The following DLGAP2 variants were observed in gnomAD, a reference collection of about 807,000 sequenced individuals.
The protein encoded by DLGAP2 is DLG associated protein 2.
Under a neutral mutation model 100.3 loss-of-function variants are expected in DLGAP2, and 26 were observed. The observed-to-expected ratio is 0.26, with a 90% CI of 0.19 to 0.36. The LOEUF (loss-of-function observed/expected upper bound fraction) is 0.36. Among genes scored for constraint, DLGAP2 ranks in the 10% least tolerant of loss-of-function variants. The probability of loss-of-function intolerance (pLI) is 1.00; values close to 1 mark genes in which losing one functional copy is unlikely to be tolerated. For synonymous variants in DLGAP2, 886 were observed against 630.1 expected (o/e 1.41, Z -6.08); for missense variants, 1,858 against 1,453.2 (o/e 1.28, Z -4.53).
intron 4 of DLGAP2, among the ~76,000 whole-genome samples, chr8:1,512,316 A>G (rs1800194424): frequency 6.6e-6 from 1 of 152,226 alleles, no homozygotes; most frequent in Non-Finnish European, 1.5e-5. Context: ...TACCTTGACA[A>G]CATGATCAAA....
At chr8:1,480,171 TC>T (rs994608252) in intron 3 of DLGAP2, among the ~76,000 whole-genome samples, 6 of 151,690 alleles carry the variant, frequency 4.0e-5, no homozygotes, top group South Asian at 4.2e-4. Flanking sequence ...GTACCGAACA[TC>T]CCCCCTCCGC....
At chr8:1,289,749 G>A (rs553414738) in intron 3 of DLGAP2, among the ~76,000 whole-genome samples, 6 of 152,278 alleles carry the variant, frequency 3.9e-5, no homozygotes, top group African/African-American at 1.2e-4. Flanking sequence ...GGAGAGCCCG[G>A]CCTCCCCCGC....
chr8:1,649,540 A>G lies in DLGAP2; in HGVS notation c.1810+16494A>G, dbSNP rs1184520278. On this transcript the variant is annotated intron_variant, in intron 8 of 14. Transcript: ENST00000637795. ...AAAAATGCAGAGTGCTAGAAATTTAACTGGCAAGTTTGGTCTATGGTTTTA... is the reference window on the plus strand; with the variant it reads ...AAAAATGCAGAGTGCTAGAAATTTAGCTGGCAAGTTTGGTCTATGGTTTTA... Among the ~76,000 whole-genome samples the G allele has an allele frequency of 2.6e-5, 4 of 152,206 alleles. No homozygotes were observed. The East Asian group carries it at 7.7e-4, about 29-fold the overall frequency.
intron 1 of DLGAP2, among the ~76,000 whole-genome samples, chr8:876,733 T>G (rs1275773838): frequency 6.6e-6 from 1 of 152,182 alleles, no homozygotes; most frequent in Non-Finnish European, 1.5e-5. Context: ...TTTTGCTGCT[T>G]TCTCTTACCT....
chr8:1,549,868 G>A (rs1213105763), intron 5 of DLGAP2, among the ~76,000 whole-genome samples, 185 bp downstream of exon 5: 3 of 152,184 alleles, frequency 2.0e-5, no homozygotes, highest in Non-Finnish European at 2.9e-5. Flanking sequence ...CCTTACATAC[G>A]TAATTTTTTT....
intron 6 of DLGAP2, among the ~76,000 whole-genome samples, chr8:1,572,317 G>A (rs188369704): frequency 1.6e-5 from 2 of 123,034 alleles, no homozygotes; most frequent in East Asian, 6.0e-4. Flanking sequence ...ATGGAGAGGA[G>A]AAAGGAGTGA....
chr8:1,021,804 C>T (rs1224525515), intron 2 of DLGAP2, among the ~76,000 whole-genome samples: 3 of 152,270 alleles, frequency 2.0e-5, no homozygotes, highest in Non-Finnish European at 4.4e-5. Flanking sequence ...GGAATGTGCA[C>T]ACCACTGTCA....
chr8:1,275,522 T>A (rs1799665173), intron 3 of DLGAP2, among the ~76,000 whole-genome samples: 2 of 151,674 alleles, frequency 1.3e-5, no homozygotes. Context: ...CAGGTGGAAC[T>A]CAGAACAGCA....
At chr8:804,133 C>T (rs1375943099) in intron 1 of DLGAP2, among the ~76,000 whole-genome samples, 15 of 152,220 alleles carry the variant, frequency 9.9e-5, no homozygotes, top group African/African-American at 3.4e-4. Context: ...GTAGGATTCT[C>T]ATTGTGGAGA....
intron 2 of DLGAP2, among the ~76,000 whole-genome samples, chr8:1,036,099 C>T (rs1802112355): frequency 7.0e-6 from 1 of 142,264 alleles, no homozygotes; most frequent in Non-Finnish European, 1.5e-5. Context: ...CCCGACCCCG[C>T]GTGTCACCGC....
intron 12 of DLGAP2, among the ~76,000 whole-genome samples, chr8:1,679,715 C>T (rs1051243629): frequency 1.3e-5 from 2 of 152,206 alleles, no homozygotes; most frequent in Admixed American, 1.3e-4. Flanking sequence ...GGCACGGTGG[C>T]TCACGCCTGT....
chr8:1,510,104 C>G (rs1344122928), intron 4 of DLGAP2, among the ~76,000 whole-genome samples: 2 of 152,188 alleles, frequency 1.3e-5, no homozygotes, highest in East Asian at 3.8e-4. Flanking sequence ...AGGATTTGCC[C>G]CTTTAACTGC....
chr8:1,370,951 G>A (rs1239756404), intron 3 of DLGAP2, among the ~76,000 whole-genome samples: 1 of 152,262 alleles, frequency 6.6e-6, no homozygotes, highest in Non-Finnish European at 1.5e-5. Flanking sequence ...AAGTTCATCT[G>A]TATGTTAGGC....
intron 2 of DLGAP2, among the ~76,000 whole-genome samples, chr8:1,038,449 G>T (rs184909733): frequency 2.0e-5 from 3 of 152,298 alleles, no homozygotes; most frequent in Admixed American, 6.5e-5. Context: ...TGGGTAAAAT[G>T]ATGGTGTTGG....
intron 2 of DLGAP2, among the ~76,000 whole-genome samples, chr8:1,226,730 C>T (rs371946252): frequency 2.6e-5 from 4 of 152,104 alleles, no homozygotes; most frequent in African/African-American, 9.6e-5. Flanking sequence ...TGATGTTGAG[C>T]GCTTTTCACA....
At chr8:830,583 T>A (rs1796763123) in intron 1 of DLGAP2, among the ~76,000 whole-genome samples, 1 of 152,208 alleles carries the variant, frequency 6.6e-6, no homozygotes, top group African/African-American at 2.4e-5. Context: ...TAATTTGCGA[T>A]TCTATTTATT....
intron 2 of DLGAP2, among the ~76,000 whole-genome samples, chr8:1,070,851 G>A: frequency 6.6e-6 from 1 of 152,190 alleles, no homozygotes; most frequent in South Asian, 2.1e-4. Flanking sequence ...GTTCCCACTC[G>A]CCCCTCGCCC....
chr8:1,184,657 A>C (rs550036633), intron 2 of DLGAP2, among the ~76,000 whole-genome samples: 6 of 152,224 alleles, frequency 3.9e-5, no homozygotes, highest in African/African-American at 1.4e-4. Flanking sequence ...AGCAGGCAGC[A>C]CCCTCGGAGT....
intron 6 of DLGAP2, among the ~76,000 whole-genome samples, chr8:1,603,310 C>G (rs1584980621): frequency 6.7e-6 from 1 of 148,570 alleles, no homozygotes; most frequent in East Asian, 2.0e-4. Flanking sequence ...GGATGGGTCT[C>G]AGTTCTACAG....
Sources: gnomAD v4.1 joint callset for allele counts (sites outside exome capture counted in the v4.1 genomes callset) on GRCh38, gnomAD v4.1.1 for gene constraint, MANE v1.5 for transcripts, NCBI Gene and HGNC (gene_info 2026-07-23, HGNC 2026-07-21) for gene names.